PRKN: variants seen among roughly 807,000 people sequenced by gnomAD.
The protein encoded by PRKN is parkin RBR E3 ubiquitin protein ligase, also known as E3 ubiquitin-protein ligase parkin.
In PRKN, 56 loss-of-function variants were observed where a neutral mutation model predicts 59.5. The observed-to-expected ratio is 0.94, with a 90% CI of 0.76 to 1.18. The LOEUF (loss-of-function observed/expected upper bound fraction) is 1.18, where lower values mean the gene tolerates loss of function less well. Among genes scored for constraint, PRKN ranks in the 50% most tolerant of loss-of-function variants. The pLI is 0.00. For synonymous variants in PRKN, 250 were observed against 222.1 expected (o/e 1.13, Z -1.12); for missense variants, 657 against 596.4 (o/e 1.10, Z -1.06).
intron 7 of PRKN, among the ~76,000 whole-genome samples, chr6:161,686,414 A>C (rs917811967): frequency 3.9e-5 from 6 of 152,204 alleles, no homozygotes; most frequent in Non-Finnish European, 7.3e-5. Context: ...TCAACCAATA[A>C]ACCCTTTGCG....
chr6:161,755,456 A>C (rs1788876338), intron 7 of PRKN, among the ~76,000 whole-genome samples: 1 of 152,108 alleles, frequency 6.6e-6, no homozygotes, highest in Non-Finnish European at 1.5e-5. Flanking sequence ...AGTAATATCG[A>C]AGGGTTATGG....
At chr6:162,094,787 CTA>C (rs1190746318) in intron 4 of PRKN, among the ~76,000 whole-genome samples, 1 of 152,160 alleles carries the variant, frequency 6.6e-6, no homozygotes, top group African/African-American at 2.4e-5. Flanking sequence ...ACATTTAAAA[CTA>C]TTCCTGAAAT....
At chr6:162,470,231 T>C (rs1791663425) in intron 1 of PRKN, among the ~76,000 whole-genome samples, 1 of 152,180 alleles carries the variant, frequency 6.6e-6, no homozygotes, top group African/African-American at 2.4e-5. Flanking sequence ...CATTTTATGA[T>C]ATAATGAAAA....
chr6:161,469,591 AAGAG>A (rs1158023358), intron 9 of PRKN, among the ~76,000 whole-genome samples: 1 of 149,854 alleles, frequency 6.7e-6, no homozygotes, highest in Non-Finnish European at 1.5e-5. Flanking sequence ...GAGAAAGAGA[AAGAG>A]AGAGAGATTG....
At chr6:162,636,852 C>T (rs201753640) in intron 1 of PRKN, among the ~76,000 whole-genome samples, 1 of 151,812 alleles carries the variant, frequency 6.6e-6, no homozygotes, top group South Asian at 2.1e-4. Flanking sequence ...TGTAGTAAGT[C>T]GGGAGGCCGA....
At chr6:162,596,300 T>C (rs1358441584) in intron 1 of PRKN, among the ~76,000 whole-genome samples, 1 of 152,218 alleles carries the variant, frequency 6.6e-6, no homozygotes, top group Non-Finnish European at 1.5e-5. Flanking sequence ...AACTTGTAAA[T>C]GTTTCACAAT....
intron 2 of PRKN, among the ~76,000 whole-genome samples, chr6:162,398,589 C>T (rs561982967): frequency 5.6e-4 from 86 of 152,242 alleles, no homozygotes; most frequent in African/African-American, 2.0e-3. Flanking sequence ...CTGGGTTTCA[C>T]CAGTTGGCCA....
intron 9 of PRKN, among the ~76,000 whole-genome samples, chr6:161,416,651 A>G (rs1447845552): frequency 6.6e-6 from 1 of 152,110 alleles, no homozygotes; most frequent in African/African-American, 2.4e-5. Flanking sequence ...ACAGTGTCCT[A>G]TATTTGCTCA....
chr6:161,566,162 G>T lies in PRKN; in HGVS notation c.933+3193C>A, dbSNP rs1472256975. 2.0e-5 allele frequency among the ~76,000 whole-genome samples: 3 copies of T among 152,140 alleles called. No individual in the cohort carries two copies. Among genetic ancestry groups the T allele is most frequent in the African/African-American group, 7.2e-5 (3 of 41,420 alleles). ...AGTTCCCAGTTGCCAAAATTAAAAT[G>T]TATGTATTTGCAGTCTCCCACTCTT... On this transcript the variant is annotated intron_variant, in intron 8 of 11. Transcript: ENST00000366898. This position sits in a 1 kb window ranked among gnomAD's most constrained non-coding sequence, Gnocchi z 4.1.
rs1233887157 is a variant in PRKN at position 161,355,116 on chromosome 6, C to T, written c.1286-4905G>A. ...CTGCTTCAGCTGAGGCTCCTGCGTG[C>T]GGTGCCTGGAACACGAGCAGCAGGG... On this transcript the variant is annotated intron_variant, in intron 11 of 11. Transcript: ENST00000366898. This position sits in a 1 kb window ranked among gnomAD's most constrained non-coding sequence, Gnocchi z 6.8. Among the ~76,000 whole-genome samples the T allele has an allele frequency of 2.0e-5, 3 of 152,194 alleles. No homozygotes were observed. The highest frequency in any genetic ancestry group is 4.4e-5 in the Non-Finnish European group (3 of 68,028).
chr6:162,094,618 G>A (rs1163403751), intron 4 of PRKN, among the ~76,000 whole-genome samples: 2 of 152,092 alleles, frequency 1.3e-5, no homozygotes, highest in Non-Finnish European at 2.9e-5. Flanking sequence ...TTTCTCATGT[G>A]ACTGGAAAGA....
chr6:161,515,201 T>G (rs752349307), intron 9 of PRKN, among the ~76,000 whole-genome samples: 2 of 152,196 alleles, frequency 1.3e-5, no homozygotes, highest in Non-Finnish European at 2.9e-5. Flanking sequence ...ATTATATGCA[T>G]AGTACCAACG....
intron 1 of PRKN, among the ~76,000 whole-genome samples, chr6:162,455,484 A>G (rs981403914): frequency 2.0e-5 from 3 of 152,230 alleles, no homozygotes; most frequent in African/African-American, 7.2e-5. Context: ...ACTGTAGGCA[A>G]TTATAATACA....
At chr6:161,978,063 T>A (rs1424063765) in intron 5 of PRKN, among the ~76,000 whole-genome samples, 1 of 146,842 alleles carries the variant, frequency 6.8e-6, no homozygotes, top group Non-Finnish European at 1.5e-5. Context: ...ATTTTATTTT[T>A]TTGAGATGGG....
In PRKN at chr6:161,461,289, G is replaced by T. The variant is rs567793039; in HGVS notation, c.1084-74412C>A. ...TGGTTCAACATGAGTTAAGTATAAG[G>T]TGTCGCTGGAGATGAGGGGGATGGT... On this transcript the variant is annotated intron_variant, in intron 9 of 11. Coordinates refer to ENST00000366898, the MANE Select transcript of PRKN (RefSeq NM_004562.3). The surrounding 1 kb of genome is among the most constrained non-coding windows in gnomAD (Gnocchi z 5.1). Among the ~76,000 whole-genome samples the T allele has an allele frequency of 2.1e-4, 32 of 152,288 alleles. No individual in the cohort carries two copies. The highest frequency in any genetic ancestry group is 6.8e-3 in the Middle Eastern group (2 of 294).
At chr6:162,295,272 T>C (rs901454458) in intron 2 of PRKN, among the ~76,000 whole-genome samples, 7 of 152,320 alleles carry the variant, frequency 4.6e-5, no homozygotes, top group African/African-American at 1.7e-4. Flanking sequence ...CTGTGTCCAC[T>C]TAGGGCCAAA....
intron 2 of PRKN, among the ~76,000 whole-genome samples, chr6:162,295,939 T>C (rs1207594811): frequency 6.6e-6 from 1 of 152,082 alleles, no homozygotes; most frequent in African/African-American, 2.4e-5. Context: ...TGGATACCCA[T>C]GCAGAAATTT....
chr6:162,528,330 A>T (rs1374259988), intron 1 of PRKN, among the ~76,000 whole-genome samples: 1 of 151,820 alleles, frequency 6.6e-6, no homozygotes, highest in Admixed American at 6.6e-5. Flanking sequence ...AAAGAAAAAA[A>T]AAAAAATTTA....
At chr6:161,436,457 T>C (rs1207849027) in intron 9 of PRKN, among the ~76,000 whole-genome samples, 1 of 106,198 alleles carries the variant, frequency 9.4e-6, no homozygotes, top group African/African-American at 2.9e-5. Context: ...CTCAAGACTT[T>C]TTTGGGGGGG....
Sources: gnomAD v4.1 joint callset for allele counts (sites outside exome capture counted in the v4.1 genomes callset) on GRCh38, gnomAD v4.1.1 for gene constraint, Gnocchi (gnomAD v3.1) non-coding constraint, MANE v1.5 for transcripts, NCBI Gene and HGNC (gene_info 2026-07-23, HGNC 2026-07-21) for gene names.